TRPM7: variants seen among roughly 807,000 people sequenced by gnomAD.
TRPM7 encodes transient receptor potential cation channel subfamily M member 7.
TRPM7 carries 134 observed loss-of-function variants against 229.7 expected under a neutral mutation model. The observed-to-expected ratio is 0.58, with a 90% CI of 0.51 to 0.67. TRPM7 has a LOEUF of 0.67. Among genes scored for constraint, TRPM7 ranks in the 30% least tolerant of loss-of-function variants. The pLI is 0.00. For synonymous variants in TRPM7, 699 were observed against 715.2 expected (o/e 0.98, Z 0.36); for missense variants, 1,901 against 2,210.0 (o/e 0.86, Z 2.80).
Position 50,557,616 on chromosome 15 carries a change from A to ATAC in TRPM7, c.*4059_*4061dup, listed in dbSNP as rs1300425516. On this transcript the variant is annotated 3_prime_UTR_variant, in exon 39 of 39. Transcript: ENST00000646667. ...CATATATCGACAGACTGAAGAAGGT[A>ATAC]TACTATTAGAGAACATTTGCAGAAA... 3 of 152,240 alleles carry ATAC rather than the reference A, an allele frequency of 2.0e-5. No individual in the cohort carries two copies. Among genetic ancestry groups the ATAC allele is most frequent in the African/African-American group, 7.2e-5 (3 of 41,468 alleles). The allele number at this position is 152,240 out of a possible 1,614,324, so 9.4% of individuals were successfully genotyped here.
At chr15:50,583,699 C>T (rs929263190) in intron 28 of TRPM7, among the ~76,000 whole-genome samples, 2 of 151,936 alleles carry the variant, frequency 1.3e-5, no homozygotes, top group Non-Finnish European at 2.9e-5. Flanking sequence ...GCCTCAGCCT[C>T]CCTAGTAGCT....
At chr15:50,659,192 CAA>C (rs35593329) in intron 2 of TRPM7, among the ~76,000 whole-genome samples, 20 of 99,130 alleles carry the variant, frequency 2.0e-4, no homozygotes, top group Admixed American at 2.3e-4. Context: ...GACTCCGTCT[CAA>C]AAAAAAAAAA....
intron 2 of TRPM7, 119 bp downstream of exon 2, chr15:50,662,847 TA>T: frequency 2.6e-6 from 2 of 760,918 alleles, no homozygotes; most frequent in Non-Finnish European, 4.4e-6. Context: ...ACAGTAATTA[TA>T]AAAAGTAACA....
At chr15:50,566,363 T>C (rs963974998) in intron 38 of TRPM7, among the ~76,000 whole-genome samples, 9 of 151,924 alleles carry the variant, frequency 5.9e-5, no homozygotes, top group African/African-American at 1.9e-4. Flanking sequence ...GCTAAAACAA[T>C]GCTTAGAGGG....
intron 13 of TRPM7, 76 bp from the exon 14 acceptor site, chr15:50,614,339 C>T (rs1188920961): frequency 1.5e-6 from 2 of 1,296,516 alleles, no homozygotes; most frequent in Non-Finnish European, 2.1e-6. Flanking sequence ...AGGAACAGGC[C>T]TACTCTCCAA....
intron 29 of TRPM7, among the ~76,000 whole-genome samples, chr15:50,581,985 T>C (rs1302178493): frequency 6.6e-6 from 1 of 152,174 alleles, no homozygotes; most frequent in Admixed American, 6.5e-5. Context: ...TTTTTTGAGA[T>C]GGAGTTTCAC....
chr15:50,645,419 C>T (rs980866542), intron 4 of TRPM7, among the ~76,000 whole-genome samples: 23 of 152,094 alleles, frequency 1.5e-4, no homozygotes, highest in African/African-American at 4.1e-4. Flanking sequence ...GAATGCCTCC[C>T]GGGTTCAAGA....
In TRPM7 at chr15:50,604,968, T is replaced by C. The variant is rs1375716561; in HGVS notation, c.2886A>G (p.Arg962=). Residue 962 remains arginine, a synonymous_variant, in exon 21 of 39, where the codon AGA becomes AGG. Coordinates refer to ENST00000646667, the MANE Select transcript of TRPM7 (RefSeq NM_017672.6). Reference sequence around the variant, plus strand: ...ATATTATGTTAAGACAGTAAATTAATCTTCCAGCCACAAAAACATGATTAT... The same window carrying C: ...ATATTATGTTAAGACAGTAAATTAACCTTCCAGCCACAAAAACATGATTAT... ...AYDNHVFVAG[R]LIYCLNIIFW... The C allele has an allele frequency of 1.9e-6, 3 of 1,613,816 alleles. No homozygotes were observed. Among genetic ancestry groups the C allele is most frequent in the Non-Finnish European group, 2.5e-6 (3 of 1,179,934 alleles).
At chr15:50,635,841 T>C (rs1195461281) in intron 7 of TRPM7, among the ~76,000 whole-genome samples, 1 of 151,114 alleles carries the variant, frequency 6.6e-6, no homozygotes, top group African/African-American at 2.4e-5. Flanking sequence ...AGCTGGGGCG[T>C]GGTGGCGAGT....
chr15:50,612,902 G>A, intron 15 of TRPM7, 73 bp from the exon 16 acceptor site: 1 of 1,360,382 alleles, frequency 7.4e-7, no homozygotes, highest in Non-Finnish European at 1.0e-6. Flanking sequence ...GAAAATTTTA[G>A]TAAAATATCT....
At chr15:50,578,138 C>T (rs928522992) in intron 31 of TRPM7, among the ~76,000 whole-genome samples, 2 of 152,268 alleles carry the variant, frequency 1.3e-5, no homozygotes, top group African/African-American at 4.8e-5. Context: ...GATTACATGG[C>T]TATACTTACT....
chr15:50,612,271 T>C (rs1053803373), intron 16 of TRPM7, among the ~76,000 whole-genome samples: 1 of 152,204 alleles, frequency 6.6e-6, no homozygotes, highest in Non-Finnish European at 1.5e-5. Flanking sequence ...TTAAATTTCA[T>C]GTAGAGACGG....
At chr15:50,663,192 G>A in intron 1 of TRPM7, 146 bp from the exon 2 acceptor site, 1 of 619,234 alleles carries the variant, frequency 1.6e-6, no homozygotes, top group Non-Finnish European at 2.7e-6. Context: ...GCAATGGTGT[G>A]ATCTTGGCTC....
rs67338843 is a variant in TRPM7 at position 50,646,110 on chromosome 15, CAAA to C, written c.322-2560_322-2558del. Among the ~76,000 whole-genome samples, 27 of 116,546 alleles carry C rather than the reference CAAA, an allele frequency of 2.3e-4. 1 individual carries two copies. The highest frequency in any genetic ancestry group is 2.7e-4 in the Non-Finnish European group (15 of 56,208). 76.5% of individuals were successfully genotyped at this position (116,546 alleles called of 152,430 possible). A position where few individuals can be genotyped will look rare whatever the true frequency, so the allele number is the denominator to read the frequency against. The stretch of plus-strand genomic sequence containing the variant: ...CCAGCCTGGGCAACAGAGCGAGTCT[CAAA>C]AAAAAAAAAAAAAGACATTAGCAGG... On this transcript the variant is annotated intron_variant, in intron 4 of 38. Transcript: ENST00000646667.
chr15:50,618,881 A>G (rs2060308401), intron 13 of TRPM7, among the ~76,000 whole-genome samples: 1 of 152,156 alleles, frequency 6.6e-6, no homozygotes, highest in African/African-American at 2.4e-5. Flanking sequence ...GTATTTGACT[A>G]AGTTATTTCA....
Position 50,574,888 on chromosome 15 carries a change from A to C in TRPM7, c.4983T>G (p.Ile1661Met). 6.2e-7 allele frequency: 1 copy of C among 1,613,318 alleles called. No individual in the cohort carries two copies. The highest frequency in any genetic ancestry group is 8.5e-7 in the Non-Finnish European group (1 of 1,179,464). Residue 1661 changes from isoleucine (I) to methionine (M), a missense_variant, in exon 34 of 39, where the codon ATT (isoleucine) becomes ATG (methionine). This residue lies in a region of TRPM7 where 257 missense variants were observed against 352.0 expected (regional missense o/e 0.73). Transcript: ENST00000646667. ...LPEVVNTWSS[I>M]YKEDTVLHLC... The stretch of plus-strand genomic sequence containing the variant: ...GATGCAGAACTGTATCTTCTTTGTA[A>C]ATACTTGACCATGTATTAACCACCT...
intron 2 of TRPM7, among the ~76,000 whole-genome samples, chr15:50,658,550 C>G (rs549859386): frequency 1.2e-4 from 17 of 143,738 alleles, no homozygotes; most frequent in African/African-American, 4.4e-4. Flanking sequence ...CCAGCCTGGG[C>G]GAAAGAGCGA....
At chr15:50,616,570 A>G (rs2060227276) in intron 13 of TRPM7, among the ~76,000 whole-genome samples, 1 of 152,226 alleles carries the variant, frequency 6.6e-6, no homozygotes, top group South Asian at 2.1e-4. Context: ...AGAAGAAATG[A>G]GAAGTGACTG....
At chr15:50,664,285 G>A (rs1454463867) in intron 1 of TRPM7, among the ~76,000 whole-genome samples, 1 of 146,226 alleles carries the variant, frequency 6.8e-6, no homozygotes, top group Admixed American at 6.9e-5. Context: ...ACTCCAGCCT[G>A]GCGACAGAGC....
Sources: gnomAD v4.1 joint callset for allele counts (sites outside exome capture counted in the v4.1 genomes callset) on GRCh38, gnomAD v4.1.1 for gene constraint, gnomAD v4.1.1 regional missense constraint, MANE v1.5 for transcripts, NCBI Gene and HGNC (gene_info 2026-07-23, HGNC 2026-07-21) for gene names.